OPN3: variants seen among roughly 807,000 people sequenced by gnomAD.
OPN3 encodes opsin-3.
A neutral mutation model predicts 33.8 loss-of-function variants in OPN3; 29 were observed. That is an observed-to-expected ratio of 0.86 (90% CI 0.64 to 1.17). The LOEUF is 1.17. Among genes scored for constraint, OPN3 ranks in the 50% most tolerant of loss-of-function variants. The pLI is 0.00. For synonymous variants in OPN3, 216 were observed against 216.1 expected (o/e 1.00, Z 0.00); for missense variants, 437 against 514.1 (o/e 0.85, Z 1.45).
chr1:241,629,431 T>C (rs1427016178), intron 1 of OPN3: 1 of 151,832 alleles, frequency 6.6e-6, no homozygotes, highest in African/African-American at 2.4e-5. Flanking sequence ...GAAATTTGAA[T>C]ACCATTCAAA....
At chr1:241,629,113 C>T (rs764526698) in intron 1 of OPN3, 1 of 152,502 alleles carries the variant, frequency 6.6e-6, no homozygotes, top group African/African-American at 2.4e-5. Flanking sequence ...ATAGCACTAG[C>T]AATACACCAA....
At chr1:241,633,987 C>CA in intron 1 of OPN3, 3 of 1,613,950 alleles carry the variant, frequency 1.9e-6, no homozygotes, top group Non-Finnish European at 2.5e-6. Flanking sequence ...AAAAGTGTTT[C>CA]AGCTTGCTTG....
chr1:241,640,153 G>A lies in OPN3; in HGVS notation c.102C>T (p.Pro34=). ...GCTCGTAGGTGCCGGGGCTGAAGAGGGGCGCGGGGCTCAGTGTCCCCGCCG... is the reference window on the plus strand; with the variant it reads ...GCTCGTAGGTGCCGGGGCTGAAGAGAGGCGCGGGGCTCAGTGTCCCCGCCG... ...PAPAGTLSPA[P]LFSPGTYERL... The change falls in exon 1 of 4, where the codon CCC becomes CCT. Residue 34 remains proline (P), a synonymous_variant. Transcript: ENST00000366554. 6.6e-7 allele frequency: 1 copy of A among 1,525,218 alleles called. No homozygotes were observed. Among genetic ancestry groups the A allele is most frequent in the South Asian group, 1.2e-5 (1 of 81,218 alleles). The allele number at this position is 1,525,218 out of a possible 1,614,324, so 94.5% of individuals were successfully genotyped here. A position where few individuals can be genotyped will look rare whatever the true frequency, so the allele number is the denominator to read the frequency against.
Position 241,594,101 on chromosome 1 carries a change from A to G in OPN3, c.*327T>C. 3.8e-6 allele frequency: 1 copy of G among 260,876 alleles called. No homozygotes were observed. The allele number at this position is 260,876 out of a possible 1,614,324, so 16.2% of individuals were successfully genotyped here. On this transcript the variant is annotated 3_prime_UTR_variant, in exon 4 of 4. Transcript: ENST00000366554. Reference sequence around the variant, plus strand: ...TTACAGTAAGGTATTTTCGAGAAAAATGCATTACGTGTTTTGGAAAATAGA... The same window carrying G: ...TTACAGTAAGGTATTTTCGAGAAAAGTGCATTACGTGTTTTGGAAAATAGA...
At chr1:241,633,623 G>T in intron 1 of OPN3, 1 of 689,004 alleles carries the variant, frequency 1.5e-6, no homozygotes, top group Non-Finnish European at 2.4e-6. Context: ...ATCACTCATT[G>T]ATAGGTTAAC....
At chr1:241,627,354 A>G (rs1300240142) in intron 1 of OPN3, among the ~76,000 whole-genome samples, 1 of 152,222 alleles carries the variant, frequency 6.6e-6, no homozygotes, top group African/African-American at 2.4e-5. Context: ...CATGTAATAA[A>G]TCACTCTTGA....
intron 1 of OPN3, among the ~76,000 whole-genome samples, chr1:241,615,343 T>C (rs771573593): frequency 5.6e-4 from 85 of 152,156 alleles, no homozygotes; most frequent in Non-Finnish European, 9.4e-4. Context: ...AGGCATACGC[T>C]TTGTTTCCAA....
intron 1 of OPN3, among the ~76,000 whole-genome samples, chr1:241,606,271 C>T (rs11586782): frequency 0.014 from 2,068 of 152,248 alleles, 26 homozygotes; most frequent in East Asian, 0.034. Flanking sequence ...TGGCTGGGCA[C>T]GGTGGCTTAT....
chr1:241,635,027 AG>A (rs1258345888), intron 1 of OPN3: 1 of 1,613,392 alleles, frequency 6.2e-7, no homozygotes, highest in Non-Finnish European at 8.5e-7. Flanking sequence ...TTTGATTAAA[AG>A]ATCAATTAGC....
intron 1 of OPN3, among the ~76,000 whole-genome samples, chr1:241,613,464 C>A (rs368493478): frequency 6.6e-6 from 1 of 152,132 alleles, no homozygotes; most frequent in Non-Finnish European, 1.5e-5. Flanking sequence ...TGAGAATTAT[C>A]AAAAATTTTA....
Position 241,634,030 on chromosome 1 carries a change from C to T in OPN3, c.373+5852G>A, listed in dbSNP as rs199737234. ...GCTCATTTCCCAGGCCACAGTCAGG[C>T]CCAGAGCAGACATAAACATTGGAAG... On this transcript the variant is annotated intron_variant, in intron 1 of 3. Coordinates refer to ENST00000366554, the MANE Select transcript of OPN3 (RefSeq NM_014322.3). The T allele has an allele frequency of 9.2e-5, 148 of 1,613,614 alleles. No individual in the cohort carries two copies. In the East Asian group the frequency reaches 3.0e-3, roughly 33 times the overall value.
chr1:241,634,925 G>A (rs1455805969), intron 1 of OPN3: 8 of 1,612,422 alleles, frequency 5.0e-6, no homozygotes, highest in Non-Finnish European at 6.8e-6. Flanking sequence ...AAAGACATCT[G>A]CTCTGGAACA....
chr1:241,613,690 A>T (rs1664053482), intron 1 of OPN3, among the ~76,000 whole-genome samples: 1 of 152,174 alleles, frequency 6.6e-6, no homozygotes, highest in Non-Finnish European at 1.5e-5. Context: ...CAATAAAAGC[A>T]GTTTGCTAGA....
chr1:241,602,200 G>C (rs962346095), intron 2 of OPN3, among the ~76,000 whole-genome samples: 1 of 152,160 alleles, frequency 6.6e-6, no homozygotes, highest in African/African-American at 2.4e-5. Context: ...AGAAGATGGC[G>C]CCAGAGAGTC....
chr1:241,628,064 C>G (rs1352571129), intron 1 of OPN3, among the ~76,000 whole-genome samples: 1 of 152,166 alleles, frequency 6.6e-6, no homozygotes, highest in African/African-American at 2.4e-5. Flanking sequence ...AAATAGACTT[C>G]GGAGAGTGTT....
chr1:241,622,482 T>C (rs745558799), intron 1 of OPN3, among the ~76,000 whole-genome samples: 32 of 152,226 alleles, frequency 2.1e-4, no homozygotes, highest in Admixed American at 3.9e-4. Flanking sequence ...TATGTCACAA[T>C]GCATGACAAC....
intron 1 of OPN3, among the ~76,000 whole-genome samples, chr1:241,607,855 T>G (rs1031284580): frequency 6.6e-6 from 1 of 152,120 alleles, no homozygotes; most frequent in Non-Finnish European, 1.5e-5. Flanking sequence ...ATAATGGATT[T>G]AATTCAAATC....
At chr1:241,609,404 C>T (rs1663925710) in intron 1 of OPN3, among the ~76,000 whole-genome samples, 1 of 152,200 alleles carries the variant, frequency 6.6e-6, no homozygotes, top group African/African-American at 2.4e-5. Flanking sequence ...TTAATACCAC[C>T]TGCCGCCACT....
chr1:241,611,225 G>T (rs187736569), intron 1 of OPN3, among the ~76,000 whole-genome samples: 1 of 152,062 alleles, frequency 6.6e-6, no homozygotes, highest in Non-Finnish European at 1.5e-5. Context: ...TATAGTTCAA[G>T]TATCTAGACT....
Sources: allele counts gnomAD v4.1 joint callset (sites outside exome capture counted in the v4.1 genomes callset), GRCh38; gene constraint gnomAD v4.1.1; transcripts MANE v1.5; gene names NCBI Gene and HGNC (gene_info 2026-07-23, HGNC 2026-07-21).